Variants in BBS9 observed in about 807,000 individuals in gnomAD.
BBS9 encodes protein PTHB1.
Under a neutral mutation model 117.7 loss-of-function variants are expected in BBS9, and 89 were observed. The ratio of observed to expected loss-of-function variants is 0.76; its 90% CI spans 0.64 to 0.90. The LOEUF (loss-of-function observed/expected upper bound fraction) is 0.90. Ranked by LOEUF, BBS9 falls within the 40% of genes least tolerant of loss-of-function variation. The pLI is 0.00. For synonymous variants in BBS9, 379 were observed against 370.9 expected (o/e 1.02, Z -0.25); for missense variants, 982 against 1,042.2 (o/e 0.94, Z 0.80).
At chr7:33,178,259 C>T (rs757253141) in intron 5 of BBS9, among the ~76,000 whole-genome samples, 13 of 152,162 alleles carry the variant, frequency 8.5e-5, no homozygotes, top group Non-Finnish European at 1.5e-4. Context: ...GTAAATCTAC[C>T]CAGAGGAAGG....
chr7:33,467,685 G>A (rs1175854153), intron 19 of BBS9, among the ~76,000 whole-genome samples: 1 of 151,954 alleles, frequency 6.6e-6, no homozygotes, highest in East Asian at 1.9e-4. Flanking sequence ...TTAGGTGGTA[G>A]AAATTAAATT....
chr7:33,290,746 A>AT (rs1177437706), intron 9 of BBS9, among the ~76,000 whole-genome samples: 2 of 152,162 alleles, frequency 1.3e-5, no homozygotes, highest in Non-Finnish European at 2.9e-5. Context: ...TGGTATAGAA[A>AT]TTTTTTTATG....
At chr7:33,146,952 G>A (rs919026302) in intron 2 of BBS9, among the ~76,000 whole-genome samples, 1 of 152,024 alleles carries the variant, frequency 6.6e-6, no homozygotes, top group African/African-American at 2.4e-5. Flanking sequence ...ATTTGGTCTT[G>A]TAGGGGACAG....
At chr7:33,234,036 A>G (rs931210634) in intron 5 of BBS9, among the ~76,000 whole-genome samples, 3 of 152,084 alleles carry the variant, frequency 2.0e-5, no homozygotes, top group Non-Finnish European at 2.9e-5. Context: ...TGTCCCACAT[A>G]TCCACCCTGT....
intron 21 of BBS9, among the ~76,000 whole-genome samples, chr7:33,573,750 C>A (rs1858232085): frequency 6.6e-6 from 1 of 152,052 alleles, no homozygotes; most frequent in Admixed American, 6.6e-5. Flanking sequence ...TTTTTTATTT[C>A]TCATTTACTC....
chr7:33,626,555 G>A (rs1212387669), intron 21 of BBS9, among the ~76,000 whole-genome samples: 1 of 152,228 alleles, frequency 6.6e-6, no homozygotes, highest in Non-Finnish European at 1.5e-5. Flanking sequence ...CCAAAATGCT[G>A]ATAGTGACAT....
At chr7:33,255,388 G>C (rs1281016782) in intron 5 of BBS9, among the ~76,000 whole-genome samples, 2 of 135,228 alleles carry the variant, frequency 1.5e-5, no homozygotes, top group African/African-American at 2.8e-5. Flanking sequence ...AGTTTTCCCA[G>C]CACCACTTAT....
chr7:33,175,425 A>G (rs768801385), intron 4 of BBS9, among the ~76,000 whole-genome samples: 4 of 152,190 alleles, frequency 2.6e-5, no homozygotes, highest in African/African-American at 7.2e-5. Flanking sequence ...TCCTCTTTTA[A>G]CTATTAAAAG....
At chr7:33,545,677 C>A (rs1016474660) in intron 21 of BBS9, among the ~76,000 whole-genome samples, 7 of 152,098 alleles carry the variant, frequency 4.6e-5, no homozygotes, top group Non-Finnish European at 1.0e-4. Context: ...CTGTCCGGAG[C>A]TGCAATCTAG....
Position 33,151,802 on chromosome 7 carries a change from C to T in BBS9, c.113-899C>T, listed in dbSNP as rs535644517. Among the ~76,000 whole-genome samples, 627 of 148,492 alleles carry T rather than the reference C, an allele frequency of 4.2e-3. 5 individuals carry two copies. The highest frequency in any genetic ancestry group is 0.042 in the South Asian group (194 of 4,648). ...CTGATCTCAAGTGATCTGCCTGCCT[C>T]GGCTTCCCAAGGTGCTAGGATTACA... On this transcript the variant is annotated intron_variant, in intron 2 of 22. Transcript: ENST00000242067.
intron 19 of BBS9, among the ~76,000 whole-genome samples, chr7:33,429,568 A>G (rs1834133386): frequency 6.6e-6 from 1 of 152,296 alleles, no homozygotes; most frequent in East Asian, 1.9e-4. Flanking sequence ...CTAGATCTTT[A>G]CTAGGATCCT....
chr7:33,496,733 T>G (rs1357713837), intron 19 of BBS9, among the ~76,000 whole-genome samples: 1 of 152,194 alleles, frequency 6.6e-6, no homozygotes, highest in Non-Finnish European at 1.5e-5. Context: ...TAGTCATAAG[T>G]TCAGCACAGA....
chr7:33,317,586 C>T (rs1810791679), intron 9 of BBS9, among the ~76,000 whole-genome samples: 1 of 152,130 alleles, frequency 6.6e-6, no homozygotes, highest in Non-Finnish European at 1.5e-5. Flanking sequence ...TGGTTTCACC[C>T]CCTAAAGATG....
intron 16 of BBS9, among the ~76,000 whole-genome samples, chr7:33,361,947 A>T (rs1820698887): frequency 6.6e-6 from 1 of 152,090 alleles, no homozygotes; most frequent in Non-Finnish European, 1.5e-5. Context: ...TAATTTTGAA[A>T]AGTTTGATTT....
rs552876097 is a variant in BBS9 at position 33,186,745 on chromosome 7, G to A, written c.442+9154G>A. On this transcript the variant is annotated intron_variant, in intron 5 of 22. Transcript: ENST00000242067. ...GTGTTTGAAGTTAAAAATGTTCGTT[G>A]TTTTTTAAAATTTAAATCCAAGCTG... Among the ~76,000 whole-genome samples, 10 of 152,106 alleles carry A rather than the reference G, an allele frequency of 6.6e-5. No individual in the cohort carries two copies. The South Asian group carries it at 1.0e-3, about 16-fold the overall frequency.
intron 2 of BBS9, among the ~76,000 whole-genome samples, chr7:33,151,813 G>A (rs10233793): frequency 0.16 from 23,878 of 148,728 alleles, 2,058 homozygotes; most frequent in South Asian, 0.21. Flanking sequence ...GGCTTCCCAA[G>A]GTGCTAGGAT....
chr7:33,590,992 A>G (rs1861823621), intron 21 of BBS9, among the ~76,000 whole-genome samples: 1 of 152,076 alleles, frequency 6.6e-6, no homozygotes, highest in Non-Finnish European at 1.5e-5. Flanking sequence ...TTTACATAAT[A>G]TAGGAATTTG....
intron 9 of BBS9, among the ~76,000 whole-genome samples, chr7:33,297,399 T>C (rs1217446267): frequency 3.9e-5 from 6 of 152,158 alleles, no homozygotes; most frequent in African/African-American, 4.8e-5. Context: ...CTAAAGAATA[T>C]AAGGAAGCAT....
At chr7:33,613,143 A>G (rs949567416) in intron 21 of BBS9, among the ~76,000 whole-genome samples, 1 of 152,074 alleles carries the variant, frequency 6.6e-6, no homozygotes, top group Non-Finnish European at 1.5e-5. Context: ...GAAGAAAGTA[A>G]TTAGGAAAGG....
Sources: allele counts gnomAD v4.1 joint callset (sites outside exome capture counted in the v4.1 genomes callset), GRCh38; gene constraint gnomAD v4.1.1; transcripts MANE v1.5; gene names NCBI Gene and HGNC (gene_info 2026-07-23, HGNC 2026-07-21).